The following FHIT variants were observed in gnomAD, a reference collection of about 807,000 sequenced individuals.
FHIT encodes the protein fragile histidine triad diadenosine triphosphatase.
Under a neutral mutation model 17.9 loss-of-function variants are expected in FHIT, and 19 were observed. That is an observed-to-expected ratio of 1.06 (90% confidence interval 0.74 to 1.56). The LOEUF (loss-of-function observed/expected upper bound fraction) is 1.56. Ranked by LOEUF, FHIT falls within the 40% of genes most tolerant of loss-of-function variation. The probability of loss-of-function intolerance (pLI) is 0.00; values close to 1 mark genes in which losing one functional copy is unlikely to be tolerated. For missense variants in FHIT, 248 were observed against 189.2 expected, an observed-to-expected ratio of 1.31 and a Z score of -1.82; for synonymous variants, 81 against 69.7, an observed-to-expected ratio of 1.16 and a Z score of -0.81.
intron 4 of FHIT, among the ~76,000 whole-genome samples, chr3:60,722,119 T>C (rs1219379809): frequency 6.6e-6 from 1 of 152,188 alleles, no homozygotes; most frequent in Non-Finnish European, 1.5e-5. Context: ...CTATTAGGAA[T>C]TCAGTGATGA....
At chr3:60,410,614 A>G (rs951752399) in intron 5 of FHIT, among the ~76,000 whole-genome samples, 12 of 152,172 alleles carry the variant, frequency 7.9e-5, no homozygotes, top group Non-Finnish European at 1.5e-4. Flanking sequence ...TATACTGGCT[A>G]CTATTCATGA....
At chr3:60,323,892 G>C (rs1305705145) in intron 5 of FHIT, among the ~76,000 whole-genome samples, 1 of 152,132 alleles carries the variant, frequency 6.6e-6, no homozygotes, top group Non-Finnish European at 1.5e-5. Context: ...GCAAATACTA[G>C]AAAGGTGAGA....
At position 60,334,227 on chromosome 3, in the gene FHIT, G is replaced by A. The variant is rs117524274; in HGVS notation, c.103+202633C>T. ...TATAGTTATATGCTGAGCCAATCCT[G>A]AGTGTGTACAAAGATTTGGACTTGG... is the stretch of plus-strand genomic sequence containing the variant. On this transcript the variant is annotated intron_variant, in intron 5 of 9. Coordinates refer to ENST00000492590, the MANE Select transcript of FHIT (RefSeq NM_002012.4). 1.1e-3 allele frequency among the ~76,000 whole-genome samples: 168 copies of A among 152,232 alleles called. No individual in the cohort carries two copies. The East Asian group carries it at 0.021, about 19-fold the overall frequency.
intron 2 of FHIT, among the ~76,000 whole-genome samples, chr3:61,109,664 A>G (rs2036095519): frequency 6.6e-6 from 1 of 152,158 alleles, no homozygotes; most frequent in Non-Finnish European, 1.5e-5. Context: ...TCAGCACAAC[A>G]GTGTCATTAG....
Position 60,860,824 on chromosome 3 carries a change from GATA to G in FHIT, c.-110-38816_-110-38814del, listed in dbSNP as rs1703748238. Among the ~76,000 whole-genome samples the G allele has an allele frequency of 3.4e-4, 2 of 5,886 alleles. 1 individual carries two copies. Among genetic ancestry groups the G allele is most frequent in the Non-Finnish European group, 0.021 (2 of 96 alleles). 3.9% of individuals were successfully genotyped at this position (5,886 alleles called of 152,430 possible). On this transcript the variant is annotated intron_variant, in intron 3 of 9. Transcript: ENST00000492590. ...ATGTACATATATATCAGGTATATAT[GATA>G]CATATGTACATATATCAGGTATATA...
chr3:60,907,987 G>A (rs1180064696), intron 3 of FHIT, among the ~76,000 whole-genome samples: 1 of 152,162 alleles, frequency 6.6e-6, no homozygotes, highest in African/African-American at 2.4e-5. Context: ...AATAAATTTA[G>A]AGTCAAAGTT....
chr3:60,034,958 C>T (rs115256560), intron 5 of FHIT, among the ~76,000 whole-genome samples: 5,137 of 152,282 alleles, frequency 0.034, 313 homozygotes, highest in African/African-American at 0.12. Flanking sequence ...ATTATTATCA[C>T]TATCTCATTC....
At chr3:60,382,533 A>T (rs947400589) in intron 5 of FHIT, among the ~76,000 whole-genome samples, 1 of 152,188 alleles carries the variant, frequency 6.6e-6, no homozygotes, top group African/African-American at 2.4e-5. Context: ...TACAAGTAAC[A>T]CCGATAATTT....
chr3:60,337,098 G>A (rs1469448386), intron 5 of FHIT, among the ~76,000 whole-genome samples: 1 of 152,096 alleles, frequency 6.6e-6, no homozygotes, highest in Non-Finnish European at 1.5e-5. Context: ...CAAGACGGAG[G>A]TAAGCTTGGC....
chr3:60,574,012 G>A (rs1553656692), intron 4 of FHIT, among the ~76,000 whole-genome samples: 1 of 151,986 alleles, frequency 6.6e-6, no homozygotes, highest in African/African-American at 2.4e-5. Flanking sequence ...ATTTCACCAT[G>A]TTGGCCAGGC....
chr3:60,342,287 A>G (rs1029298671), intron 5 of FHIT, among the ~76,000 whole-genome samples: 3 of 152,220 alleles, frequency 2.0e-5, no homozygotes, highest in African/African-American at 7.2e-5. Context: ...TGCATAGCAT[A>G]TCAGGCAGCT....
intron 8 of FHIT, among the ~76,000 whole-genome samples, chr3:59,826,644 G>A (rs1372047919): frequency 6.6e-6 from 1 of 152,212 alleles, no homozygotes; most frequent in Non-Finnish European, 1.5e-5. Context: ...GACACAATGT[G>A]CGCGAGTGCG....
chr3:60,878,805 C>T (rs1704811982), intron 3 of FHIT, among the ~76,000 whole-genome samples: 1 of 152,188 alleles, frequency 6.6e-6, no homozygotes, highest in Admixed American at 6.5e-5. Context: ...CATGCCCCTA[C>T]AAAGGACATG....
chr3:59,984,397 G>C (rs1708796903), intron 7 of FHIT, among the ~76,000 whole-genome samples: 1 of 145,948 alleles, frequency 6.9e-6, no homozygotes, highest in African/African-American at 2.6e-5. Context: ...AATCCACTGG[G>C]GGGGGCTCTG....
At chr3:60,282,337 A>G (rs1409233640) in intron 5 of FHIT, among the ~76,000 whole-genome samples, 2 of 152,190 alleles carry the variant, frequency 1.3e-5, no homozygotes, top group African/African-American at 2.4e-5. Context: ...CTCTTATGCC[A>G]TAAAAAGGTG....
At chr3:60,711,171 G>C (rs1553705018) in intron 4 of FHIT, among the ~76,000 whole-genome samples, 3 of 152,114 alleles carry the variant, frequency 2.0e-5, no homozygotes, top group African/African-American at 7.2e-5. Flanking sequence ...ACAGGGTCTG[G>C]AGTGGACCTC....
intron 5 of FHIT, among the ~76,000 whole-genome samples, chr3:60,034,269 A>T (rs566961120): frequency 6.6e-6 from 1 of 152,364 alleles, no homozygotes; most frequent in East Asian, 1.9e-4. Flanking sequence ...TGAACATGTC[A>T]TTCAGATGAA....
At chr3:61,193,053 C>T (rs905731627) in intron 2 of FHIT, among the ~76,000 whole-genome samples, 11 of 152,198 alleles carry the variant, frequency 7.2e-5, no homozygotes, top group African/African-American at 2.7e-4. Context: ...AGACAACCAC[C>T]AATCCCCTAA....
At chr3:60,293,147 AG>A (rs777967722) in intron 5 of FHIT, among the ~76,000 whole-genome samples, 2 of 152,142 alleles carry the variant, frequency 1.3e-5, no homozygotes, top group Admixed American at 6.6e-5. Context: ...CTTGGTTTAT[AG>A]TTATTATTTC....
Sources: gnomAD v4.1 joint callset for allele counts (sites outside exome capture counted in the v4.1 genomes callset) on GRCh38, gnomAD v4.1.1 for gene constraint, MANE v1.5 for transcripts, NCBI Gene and HGNC (gene_info 2026-07-23, HGNC 2026-07-21) for gene names.